Variants in CAMK2D observed in about 807,000 individuals in gnomAD.
CAMK2D encodes the protein calcium/calmodulin dependent protein kinase II delta, also known as calcium/calmodulin-dependent protein kinase type II subunit delta.
CAMK2D carries 37 observed loss-of-function variants against 84.0 expected under a neutral mutation model. The ratio of observed to expected loss-of-function variants is 0.44; its 90% CI spans 0.34 to 0.58. The LOEUF (loss-of-function observed/expected upper bound fraction) is 0.58. Among genes scored for constraint, CAMK2D ranks in the 20% least tolerant of loss-of-function variants. The pLI, the probability that CAMK2D is intolerant of heterozygous loss-of-function variation, is 0.02. For missense variants in CAMK2D, 448 were observed against 652.5 expected, an observed-to-expected ratio of 0.69 and a Z score of 3.41; for synonymous variants, 202 against 212.5, an observed-to-expected ratio of 0.95 and a Z score of 0.43.
intron 7 of CAMK2D, among the ~76,000 whole-genome samples, chr4:113,533,536 A>G (rs1451271688): frequency 6.6e-6 from 1 of 152,182 alleles, no homozygotes; most frequent in Admixed American, 6.5e-5. Flanking sequence ...AAAGAGAATT[A>G]CTGACTGTTG....
intron 12 of CAMK2D, among the ~76,000 whole-genome samples, chr4:113,510,049 T>G (rs1453288962): frequency 6.6e-6 from 1 of 152,188 alleles, no homozygotes; most frequent in East Asian, 1.9e-4. Context: ...ACTGACAGAT[T>G]GTATTACATG....
chr4:113,531,182 A>C, intron 8 of CAMK2D, 34 bp downstream of exon 8: 1 of 1,100,414 alleles, frequency 9.1e-7, no homozygotes, highest in Middle Eastern at 2.0e-4. Flanking sequence ...ACACTAGCTT[A>C]TCACAAAATT....
At chr4:113,455,492 T>C (rs1303067524) in intron 20 of CAMK2D, among the ~76,000 whole-genome samples, 3 of 152,194 alleles carry the variant, frequency 2.0e-5, no homozygotes, top group African/African-American at 7.2e-5. Context: ...AATCCACATG[T>C]TGGAAAAAAT....
intron 9 of CAMK2D, 42 bp downstream of exon 9, chr4:113,517,520 AG>A (rs760262027): frequency 2.2e-6 from 2 of 927,216 alleles, no homozygotes; most frequent in Non-Finnish European, 3.4e-6. Context: ...AACAGGCAAA[AG>A]ACAAACCTTC....
Position 113,463,680 on chromosome 4 carries a change from T to C in CAMK2D, c.1211+1849A>G, listed in dbSNP as rs548500797. On this transcript the variant is annotated intron_variant, in intron 17 of 20. Transcript: ENST00000511664. ...CGTGAGACATCGCACCTGGCACTTT[T>C]AATACCTTTTACTTTTTTAGTTGTA... Among the ~76,000 whole-genome samples, 7 of 152,342 alleles carry C rather than the reference T, an allele frequency of 4.6e-5. No homozygotes were observed. In the South Asian group the frequency reaches 1.4e-3, roughly 32 times the overall value.
At chr4:113,475,972 G>T (rs1417251736) in intron 16 of CAMK2D, among the ~76,000 whole-genome samples, 3 of 152,164 alleles carry the variant, frequency 2.0e-5, no homozygotes, top group Admixed American at 1.3e-4. Flanking sequence ...CCCATTCATT[G>T]TTTAAAACTA....
chr4:113,520,659 C>T (rs1297814256), intron 8 of CAMK2D, among the ~76,000 whole-genome samples: 1 of 151,960 alleles, frequency 6.6e-6, no homozygotes, highest in Non-Finnish European at 1.5e-5. Context: ...GATGATGTGA[C>T]CTCCAAATGT....
At chr4:113,734,670 T>C (rs771046204) in intron 2 of CAMK2D, among the ~76,000 whole-genome samples, 5 of 152,164 alleles carry the variant, frequency 3.3e-5, no homozygotes, top group Non-Finnish European at 5.9e-5. Context: ...CTAGTTAGAC[T>C]AGTTATTAAA....
chr4:113,584,118 G>C (rs1280074590), intron 4 of CAMK2D, among the ~76,000 whole-genome samples: 2 of 152,132 alleles, frequency 1.3e-5, no homozygotes, highest in African/African-American at 2.4e-5. Flanking sequence ...GTCAGTAAAA[G>C]GTGTTTCTTA....
chr4:113,531,112 T>A, intron 8 of CAMK2D, 104 bp downstream of exon 8: 1 of 666,010 alleles, frequency 1.5e-6, no homozygotes, highest in Non-Finnish European at 2.8e-6. Context: ...AGAAATACAT[T>A]TTTGTTATTT....
At chr4:113,461,406 A>G (rs2097371475) in intron 17 of CAMK2D, among the ~76,000 whole-genome samples, 1 of 152,190 alleles carries the variant, frequency 6.6e-6, no homozygotes, top group Non-Finnish European at 1.5e-5. Context: ...CTGGGCTTTG[A>G]AGAATGAGTA....
At chr4:113,525,411 G>A (rs540223546) in intron 8 of CAMK2D, among the ~76,000 whole-genome samples, 1 of 152,188 alleles carries the variant, frequency 6.6e-6, no homozygotes, top group African/African-American at 2.4e-5. Context: ...ATCCCATTAG[G>A]AAATTATGGA....
At chr4:113,629,637 CA>C (rs1243233025) in intron 3 of CAMK2D, among the ~76,000 whole-genome samples, 12 of 151,980 alleles carry the variant, frequency 7.9e-5, no homozygotes, top group African/African-American at 2.9e-4. Context: ...AACATCTAGA[CA>C]ACAGTATTTG....
chr4:113,464,493 T>G (rs1282501318), intron 17 of CAMK2D, among the ~76,000 whole-genome samples: 1 of 152,254 alleles, frequency 6.6e-6, no homozygotes, highest in African/African-American at 2.4e-5. Flanking sequence ...TTTTGGATCT[T>G]TCTAGCCAGA....
chr4:113,761,211 G>A lies in CAMK2D; in HGVS notation c.-143C>T. The A allele has an allele frequency of 1.4e-6, 2 of 1,479,048 alleles. No homozygotes were observed. The highest frequency in any genetic ancestry group is 1.2e-5 in the South Asian group (1 of 83,850). 91.6% of individuals were successfully genotyped at this position (1,479,048 alleles called of 1,614,324 possible). A position where few individuals can be genotyped will look rare whatever the true frequency, so the allele number is the denominator to read the frequency against. ...GTCCGAAAGTAGCTCGCCCGCGAGGGAGTGTGCGCAGGGGCGGGGCGGGAG... is the reference window on the plus strand; with the variant it reads ...GTCCGAAAGTAGCTCGCCCGCGAGGAAGTGTGCGCAGGGGCGGGGCGGGAG... On this transcript the variant is annotated 5_prime_UTR_variant, in exon 1 of 21. Transcript: ENST00000511664.
chr4:113,603,494 A>G (rs901755768), intron 4 of CAMK2D, among the ~76,000 whole-genome samples: 1 of 149,096 alleles, frequency 6.7e-6, no homozygotes, highest in Non-Finnish European at 1.5e-5. Flanking sequence ...AGAACAAAAA[A>G]CCAAACACCG....
intron 3 of CAMK2D, among the ~76,000 whole-genome samples, chr4:113,620,474 AT>A (rs1321942806): frequency 2.6e-5 from 4 of 151,922 alleles, no homozygotes; most frequent in Admixed American, 2.6e-4. Flanking sequence ...ATTGCTTAAG[AT>A]TCAAACTTGG....
At chr4:113,479,118 T>C (rs541877822) in intron 16 of CAMK2D, among the ~76,000 whole-genome samples, 1 of 152,324 alleles carries the variant, frequency 6.6e-6, no homozygotes, top group Admixed American at 6.5e-5. Context: ...TCTATCAAGA[T>C]AGTTAGTTTC....
Position 113,612,427 on chromosome 4 carries a change from A to G in CAMK2D, c.221-3221T>C, listed in dbSNP as rs146576428. On this transcript the variant is annotated intron_variant, in intron 3 of 20. Transcript: ENST00000511664. Reference sequence around the variant, plus strand: ...GTCAATTCATTTTCACACCAAAGGAATAACACAACATTCTGTTCATCACAG... The same window carrying G: ...GTCAATTCATTTTCACACCAAAGGAGTAACACAACATTCTGTTCATCACAG... Among the ~76,000 whole-genome samples the G allele has an allele frequency of 6.1e-3, 932 of 152,342 alleles. 32 individuals carry two copies. Among genetic ancestry groups the G allele is most frequent in the East Asian group, 0.013 (68 of 5,190 alleles).
Sources: gnomAD v4.1 joint callset for allele counts (sites outside exome capture counted in the v4.1 genomes callset) on GRCh38, gnomAD v4.1.1 for gene constraint, MANE v1.5 for transcripts, NCBI Gene and HGNC (gene_info 2026-07-23, HGNC 2026-07-21) for gene names.